ZNF536: variants seen among roughly 807,000 people sequenced by gnomAD.
ZNF536 encodes the protein zinc finger protein 536.
ZNF536 carries 13 observed loss-of-function variants against 84.5 expected under a neutral mutation model. The observed-to-expected ratio is 0.15, with a 90% CI of 0.10 to 0.24. The LOEUF (loss-of-function observed/expected upper bound fraction) is 0.24. Ranked by LOEUF, ZNF536 falls within the 10% of genes least tolerant of loss-of-function variation. The pLI is 1.00. For synonymous variants in ZNF536, 811 were observed against 742.5 expected (o/e 1.09, Z -1.50); for missense variants, 1,536 against 1,747.5 (o/e 0.88, Z 2.16).
intron 1 of ZNF536, among the ~76,000 whole-genome samples, chr19:30,280,139 TCATCCTTCCATCCGCCTCACCTC>T (rs2045387607): frequency 6.6e-6 from 1 of 152,072 alleles, no homozygotes; most frequent in South Asian, 2.1e-4. Context: ...ATCTGCACTT[TCATCCTTCCATCCGCCTCACCTC>T]CATCCTTCCA....
intron 1 of ZNF536, among the ~76,000 whole-genome samples, chr19:30,274,504 A>G (rs766704921): frequency 1.3e-5 from 2 of 152,186 alleles, no homozygotes; most frequent in African/African-American, 4.8e-5. Context: ...AGCGCATCTC[A>G]ATTTGGACTG....
intron 1 of ZNF536, among the ~76,000 whole-genome samples, chr19:30,399,598 T>C (rs2049960929): frequency 6.6e-6 from 1 of 152,004 alleles, no homozygotes; most frequent in South Asian, 2.1e-4. Flanking sequence ...TTGTATAAGG[T>C]ATAAGGAAGG....
rs183273340 is a variant in ZNF536 at position 30,380,044 on chromosome 19, G to A, written c.-3+7488G>A. Among the ~76,000 whole-genome samples the A allele has an allele frequency of 2.3e-4, 35 of 152,298 alleles. No homozygotes were observed. The East Asian group carries it at 2.7e-3, about 12-fold the overall frequency. On this transcript the variant is annotated intron_variant, in intron 1 of 4. Coordinates refer to ENST00000355537, the MANE Select transcript of ZNF536 (RefSeq NM_014717.3). The stretch of plus-strand genomic sequence containing the variant: ...GGACTTCTGAGCCCAGGCCACCACC[G>A]CCGAGGACATGGCCACTCTTCGTGT...
At chr19:30,654,876 C>A (rs549770125) in intron 1 of ZNF536, among the ~76,000 whole-genome samples, 2 of 151,452 alleles carry the variant, frequency 1.3e-5, no homozygotes, top group East Asian at 3.9e-4. Context: ...GTGCTTACAG[C>A]GTTGACTTTC....
At chr19:30,279,703 G>C (rs971925557) in intron 1 of ZNF536, among the ~76,000 whole-genome samples, 20 of 152,200 alleles carry the variant, frequency 1.3e-4, no homozygotes, top group Non-Finnish European at 2.5e-4. Context: ...GACGCAGAGA[G>C]CCTGCTCTTG....
chr19:30,581,957 A>T (rs1216838524), intron 1 of ZNF536, among the ~76,000 whole-genome samples: 2 of 152,160 alleles, frequency 1.3e-5, no homozygotes, highest in Non-Finnish European at 2.9e-5. Context: ...AAACAAAAAC[A>T]AAACAAAACA....
At chr19:30,602,428 A>G (rs1418335504) in intron 1 of ZNF536, among the ~76,000 whole-genome samples, 2 of 152,140 alleles carry the variant, frequency 1.3e-5, no homozygotes, top group Admixed American at 1.3e-4. Flanking sequence ...CGTGGATACA[A>G]CCCCAATACA....
At chr19:30,616,803 C>T (rs757357114) in intron 1 of ZNF536, among the ~76,000 whole-genome samples, 18 of 152,192 alleles carry the variant, frequency 1.2e-4, no homozygotes, top group Middle Eastern at 3.4e-3. Flanking sequence ...GAGGCAGCTC[C>T]CTGAGAACTC....
chr19:30,444,256 C>A lies in ZNF536; in HGVS notation c.694C>A (p.Gln232Lys). The change falls in exon 2 of 5, where the codon CAG becomes AAG. Residue 232 changes from glutamine to lysine, a missense_variant. By Grantham distance (53) the Gln-to-Lys change is moderately conservative. This residue lies in a region of ZNF536 where 138 missense variants were observed against 136.8 expected (regional missense o/e 1.01). Coordinates refer to ENST00000355537, the MANE Select transcript of ZNF536 (RefSeq NM_014717.3). The part of the protein sequence containing the change: ...PDLKPPPHAQ[Q>K]APLAACTLAL... Reference sequence around the variant, plus strand: ...CCTGAAGCCCCCGCCGCACGCCCAGCAGGCCCCGCTGGCCGCCTGCACCCT... The same window carrying A: ...CCTGAAGCCCCCGCCGCACGCCCAGAAGGCCCCGCTGGCCGCCTGCACCCT... The A allele has an allele frequency of 1.3e-6, 2 of 1,550,690 alleles. No homozygotes were observed. The highest frequency in any genetic ancestry group is 1.7e-6 in the Non-Finnish European group (2 of 1,155,000).
intron 2 of ZNF536, among the ~76,000 whole-genome samples, chr19:30,459,903 G>A (rs2053054249): frequency 6.6e-6 from 1 of 152,198 alleles, no homozygotes; most frequent in Non-Finnish European, 1.5e-5. Flanking sequence ...ATGCCACAGT[G>A]AGTCTCAATT....
At chr19:30,619,151 T>C (rs534889950) in intron 1 of ZNF536, among the ~76,000 whole-genome samples, 26 of 152,296 alleles carry the variant, frequency 1.7e-4, no homozygotes, top group African/African-American at 6.3e-4. Context: ...CTCTTTTTTT[T>C]CGGGTGCACT....
chr19:30,668,192 A>C (rs1361784516), intron 1 of ZNF536, among the ~76,000 whole-genome samples: 3 of 152,210 alleles, frequency 2.0e-5, no homozygotes, highest in Non-Finnish European at 4.4e-5. Context: ...TCCAGGAAAT[A>C]AATTTTTGCA....
intron 2 of ZNF536, among the ~76,000 whole-genome samples, chr19:30,310,752 AT>A (rs1484353279): frequency 6.6e-6 from 1 of 152,214 alleles, no homozygotes; most frequent in Non-Finnish European, 1.5e-5. Flanking sequence ...CTAACCAGCC[AT>A]TCTCAGACCA....
chr19:30,230,318 C>T (rs1449527242), intron 1 of ZNF536, among the ~76,000 whole-genome samples: 1 of 152,208 alleles, frequency 6.6e-6, no homozygotes, highest in Admixed American at 6.5e-5. Context: ...TCACCCTAAA[C>T]TGGGTTTGGG....
intron 1 of ZNF536, among the ~76,000 whole-genome samples, chr19:30,587,373 T>G (rs1032664699): frequency 6.6e-6 from 1 of 152,220 alleles, no homozygotes; most frequent in African/African-American, 2.4e-5. Flanking sequence ...AATGATAGAA[T>G]GCATTTTCCC....
chr19:30,227,727 C>T (rs2022697722), upstream of ZNF536, among the ~76,000 whole-genome samples: 1 of 151,862 alleles, frequency 6.6e-6, no homozygotes, highest in African/African-American at 2.4e-5. Flanking sequence ...TCCTCCTGCG[C>T]CTTCTCCCGG....
At chr19:30,269,407 G>A (rs531921062) in intron 1 of ZNF536, among the ~76,000 whole-genome samples, 4 of 152,254 alleles carry the variant, frequency 2.6e-5, no homozygotes, top group South Asian at 4.2e-4. Context: ...GGAGAGTTAC[G>A]TACAGGCAGG....
At chr19:30,492,940 A>G (rs565323663) in intron 2 of ZNF536, among the ~76,000 whole-genome samples, 1 of 152,274 alleles carries the variant, frequency 6.6e-6, no homozygotes, top group South Asian at 2.1e-4. Context: ...CATTTGCAAG[A>G]CACAAATATG....
At chr19:30,369,413 C>T (rs184145136), upstream of ZNF536, among the ~76,000 whole-genome samples, 8 of 152,262 alleles carry the variant, frequency 5.3e-5, no homozygotes, top group Non-Finnish European at 2.9e-5. Flanking sequence ...GCACAGGGCT[C>T]GGATTTTCTT....
Sources: allele counts gnomAD v4.1 joint callset (sites outside exome capture counted in the v4.1 genomes callset), GRCh38; gene constraint gnomAD v4.1.1; regional missense constraint gnomAD v4.1.1; transcripts MANE v1.5; gene names NCBI Gene and HGNC (gene_info 2026-07-23, HGNC 2026-07-21).